PCDH15: variants seen among roughly 807,000 people sequenced by gnomAD.
PCDH15 encodes the protein protocadherin-15.
PCDH15 carries 129 observed loss-of-function variants against 178.5 expected under a neutral mutation model. The observed-to-expected ratio is 0.72, with a 90% CI of 0.63 to 0.84. The LOEUF is 0.84. Among genes scored for constraint, PCDH15 ranks in the 40% least tolerant of loss-of-function variants. The pLI is 0.00. For synonymous variants in PCDH15, 800 were observed against 732.0 expected (o/e 1.09, Z -1.50); for missense variants, 2,230 against 2,099.9 (o/e 1.06, Z -1.21).
At chr10:53,904,948 T>C (rs2082572534) in intron 25 of PCDH15, among the ~76,000 whole-genome samples, 1 of 152,192 alleles carries the variant, frequency 6.6e-6, no homozygotes, top group South Asian at 2.1e-4. Flanking sequence ...GGAAAAATAC[T>C]GATGACGTAT....
chr10:54,853,301 A>ATATT (rs1248792984), intron 3 of PCDH15, among the ~76,000 whole-genome samples: 1 of 120,830 alleles, frequency 8.3e-6, no homozygotes, highest in Non-Finnish European at 1.6e-5. Context: ...ATATATATAT[A>ATATT]TATATATATA....
chr10:55,599,089 G>A (rs914745362), intron 2 of PCDH15, among the ~76,000 whole-genome samples: 3 of 152,126 alleles, frequency 2.0e-5, no homozygotes, highest in Non-Finnish European at 4.4e-5. Flanking sequence ...ACTATATCAA[G>A]CACCAAAAAG....
chr10:55,424,535 A>T (rs1416798087), intron 2 of PCDH15, among the ~76,000 whole-genome samples: 1 of 152,134 alleles, frequency 6.6e-6, no homozygotes, highest in African/African-American at 2.4e-5. Context: ...AATTGTAGGC[A>T]TCTACCCTGC....
intron 3 of PCDH15, among the ~76,000 whole-genome samples, chr10:54,836,758 G>A (rs1473008912): frequency 1.3e-5 from 2 of 151,974 alleles, no homozygotes; most frequent in Non-Finnish European, 2.9e-5. Context: ...GTTAATAAAT[G>A]GTTTAAAATT....
intron 3 of PCDH15, among the ~76,000 whole-genome samples, chr10:54,513,258 T>TTTAC (rs1356499006): frequency 2.6e-4 from 39 of 150,940 alleles, no homozygotes; most frequent in African/African-American, 8.7e-4. Context: ...TATTTATTTA[T>TTTAC]TTATTTATTT....
intron 2 of PCDH15, among the ~76,000 whole-genome samples, chr10:55,594,769 T>C (rs1842907658): frequency 6.6e-6 from 1 of 152,052 alleles, no homozygotes; most frequent in Non-Finnish European, 1.5e-5. Context: ...ACTCTCTTAT[T>C]TGGTTTGGAA....
At chr10:55,023,609 A>G (rs1186875182) in intron 2 of PCDH15, among the ~76,000 whole-genome samples, 30 of 152,076 alleles carry the variant, frequency 2.0e-4, no homozygotes, top group Admixed American at 2.0e-3. Context: ...ATGAAAGGCA[A>G]TATTTCTGCT....
At chr10:54,125,620 A>C (rs1193752175) in intron 15 of PCDH15, among the ~76,000 whole-genome samples, 1 of 152,130 alleles carries the variant, frequency 6.6e-6, no homozygotes, top group Non-Finnish European at 1.5e-5. Context: ...TAGTACAGAG[A>C]GTGTAGGGTA....
chr10:54,159,517 A>T (rs1276993145), intron 13 of PCDH15, among the ~76,000 whole-genome samples: 1 of 152,162 alleles, frequency 6.6e-6, no homozygotes, highest in African/African-American at 2.4e-5. Context: ...AAAATTACAT[A>T]TTTTAAATGC....
chr10:53,991,126 C>T (rs2091448389), intron 21 of PCDH15, among the ~76,000 whole-genome samples: 1 of 152,120 alleles, frequency 6.6e-6, no homozygotes, highest in African/African-American at 2.4e-5. Context: ...GCCCGAGTCT[C>T]CCCAACAGGG....
chr10:55,251,007 C>A (rs1372091269), intron 1 of PCDH15, among the ~76,000 whole-genome samples: 1 of 152,054 alleles, frequency 6.6e-6, no homozygotes, highest in African/African-American at 2.4e-5. Context: ...AGACAACTGA[C>A]AATTCACATG....
At chr10:55,541,651 C>G (rs1841762007) in intron 2 of PCDH15, among the ~76,000 whole-genome samples, 1 of 151,858 alleles carries the variant, frequency 6.6e-6, no homozygotes, top group African/African-American at 2.4e-5. Context: ...TTTATATTTT[C>G]AGAAACAACT....
At chr10:53,918,934 T>G (rs2083766465) in intron 25 of PCDH15, among the ~76,000 whole-genome samples, 1 of 152,182 alleles carries the variant, frequency 6.6e-6, no homozygotes, top group South Asian at 2.1e-4. Flanking sequence ...TAGGGCTGTA[T>G]CTGTTTCCTT....
At chr10:54,100,660 T>G (rs1406549450) in intron 15 of PCDH15, among the ~76,000 whole-genome samples, 3 of 152,100 alleles carry the variant, frequency 2.0e-5, no homozygotes, top group Non-Finnish European at 4.4e-5. Flanking sequence ...GAATGCACAA[T>G]AGAATTCAGG....
At chr10:54,026,627 T>C (rs1346989217) in intron 18 of PCDH15, among the ~76,000 whole-genome samples, 1 of 152,172 alleles carries the variant, frequency 6.6e-6, no homozygotes, top group Non-Finnish European at 1.5e-5. Context: ...TTTGGCTCTG[T>C]TTATATGCTG....
intron 1 of PCDH15, among the ~76,000 whole-genome samples, chr10:54,799,187 T>C (rs888114401): frequency 6.6e-6 from 1 of 152,080 alleles, no homozygotes; most frequent in African/African-American, 2.4e-5. Flanking sequence ...ATTTCAAACA[T>C]AAGCTATGAA....
At chr10:55,612,500 T>A (rs1843388823) in intron 2 of PCDH15, among the ~76,000 whole-genome samples, 1 of 152,116 alleles carries the variant, frequency 6.6e-6, no homozygotes, top group African/African-American at 2.4e-5. Flanking sequence ...TTGTGTAAGA[T>A]CTTATTAGAG....
chr10:54,209,660 A>T (rs1364250739), intron 10 of PCDH15, among the ~76,000 whole-genome samples: 2 of 152,118 alleles, frequency 1.3e-5, no homozygotes, highest in Non-Finnish European at 2.9e-5. Flanking sequence ...TATCCAACCA[A>T]TAATTGAAAA....
chr10:54,003,466 G>T (rs2092258501), intron 20 of PCDH15, among the ~76,000 whole-genome samples: 1 of 151,818 alleles, frequency 6.6e-6, no homozygotes, highest in Non-Finnish European at 1.5e-5. Context: ...GATCATTAGT[G>T]GCTACTATGA....
Sources: allele counts gnomAD v4.1 joint callset (sites outside exome capture counted in the v4.1 genomes callset), GRCh38; gene constraint gnomAD v4.1.1; transcripts MANE v1.5; gene names NCBI Gene and HGNC (gene_info 2026-07-23, HGNC 2026-07-21).